The following PACRG variants were observed in gnomAD, a reference collection of about 807,000 sequenced individuals.
PACRG encodes the protein parkin coregulated gene protein.
PACRG carries 29 observed loss-of-function variants against 29.7 expected under a neutral mutation model. The ratio of observed to expected loss-of-function variants is 0.98; its 90% CI spans 0.73 to 1.33. PACRG has a LOEUF of 1.33. Among genes scored for constraint, PACRG ranks in the 40% most tolerant of loss-of-function variants. The pLI is 0.00. For missense variants in PACRG, 279 were observed against 316.2 expected (o/e 0.88, Z 0.89); for synonymous variants, 116 against 118.7 (o/e 0.98, Z 0.15).
intron 4 of PACRG, among the ~76,000 whole-genome samples, chr6:163,104,582 G>A (rs1169993002): frequency 6.6e-6 from 1 of 152,224 alleles, no homozygotes; most frequent in African/African-American, 2.4e-5. Flanking sequence ...CAGAGTCTCT[G>A]TGGGTCTCAT....
chr6:162,979,859 T>C (rs934680464), intron 2 of PACRG, among the ~76,000 whole-genome samples: 2 of 152,004 alleles, frequency 1.3e-5, no homozygotes, highest in Non-Finnish European at 2.9e-5. Flanking sequence ...AATTCGGAAG[T>C]TTACTTAAAT....
intron 2 of PACRG, among the ~76,000 whole-genome samples, chr6:163,010,935 C>T (rs561600762): frequency 3.3e-5 from 5 of 152,326 alleles, no homozygotes; most frequent in African/African-American, 1.2e-4. Context: ...GAGCCGGGTC[C>T]GGGCTCCCTT....
intron 2 of PACRG, among the ~76,000 whole-genome samples, chr6:162,837,313 G>A (rs576902274): frequency 2.0e-5 from 3 of 152,284 alleles, no homozygotes; most frequent in South Asian, 2.1e-4. Context: ...CTGATAAAGA[G>A]TATTTGGGTT....
At position 163,130,572 on chromosome 6, in the gene PACRG, C is replaced by T. The variant is rs113407551; in HGVS notation, c.613+41164C>T. On this transcript the variant is annotated intron_variant, in intron 4 of 4. Transcript: ENST00000366888. ...ACCTCCACCACTTTTCTGTGCAAAA[C>T]CCTTCAATGACCCTGCACAATAATG... 9.7e-4 allele frequency among the ~76,000 whole-genome samples: 148 copies of T among 152,312 alleles called. 3 individuals carry two copies. In the South Asian group the frequency reaches 0.021, roughly 21 times the overall value.
chr6:163,259,705 C>G (rs1203955126), intron 4 of PACRG, among the ~76,000 whole-genome samples: 2 of 152,180 alleles, frequency 1.3e-5, no homozygotes, highest in Non-Finnish European at 2.9e-5. Context: ...AGGTCTTAGC[C>G]TTCATCTCTC....
intron 2 of PACRG, among the ~76,000 whole-genome samples, chr6:162,900,328 C>G (rs183991783): frequency 7.2e-5 from 11 of 152,256 alleles, no homozygotes; most frequent in African/African-American, 2.4e-4. Context: ...CTCAAACTTT[C>G]CATATCCGTC....
intron 1 of PACRG, among the ~76,000 whole-genome samples, chr6:162,810,768 A>G (rs1013388960): frequency 4.6e-5 from 7 of 152,190 alleles, no homozygotes. Context: ...AACAGGCTGG[A>G]AAAAGAAAAA....
intron 2 of PACRG, among the ~76,000 whole-genome samples, chr6:162,927,382 G>A (rs1797522173): frequency 6.6e-6 from 1 of 152,050 alleles, no homozygotes; most frequent in African/African-American, 2.4e-5. Flanking sequence ...ATTCACAATA[G>A]CAAAGACATG....
At chr6:163,268,033 A>G (rs1562348157) in intron 4 of PACRG, among the ~76,000 whole-genome samples, 3 of 152,254 alleles carry the variant, frequency 2.0e-5, no homozygotes, top group Non-Finnish European at 2.9e-5. Context: ...GCTAGCTTCC[A>G]TAAAAATTTA....
chr6:162,850,919 C>A (rs1250034259), intron 2 of PACRG, among the ~76,000 whole-genome samples: 4 of 152,146 alleles, frequency 2.6e-5, no homozygotes, highest in African/African-American at 4.8e-5. Context: ...CGGGCCTGAG[C>A]CCCCAGCCCA....
At chr6:163,247,175 G>A (rs148916668) in intron 4 of PACRG, among the ~76,000 whole-genome samples, 4 of 152,246 alleles carry the variant, frequency 2.6e-5, no homozygotes, top group African/African-American at 9.6e-5. Flanking sequence ...AACATAACCA[G>A]CATTTTTTAT....
intron 2 of PACRG, among the ~76,000 whole-genome samples, chr6:162,893,677 A>G (rs116706021): frequency 0.012 from 1,779 of 152,282 alleles, 32 homozygotes; most frequent in African/African-American, 0.041. Flanking sequence ...TTGAGAATGG[A>G]AGTCGACACC....
chr6:163,184,012 G>A (rs1396371498), intron 4 of PACRG, among the ~76,000 whole-genome samples: 1 of 152,202 alleles, frequency 6.6e-6, no homozygotes, highest in Non-Finnish European at 1.5e-5. Context: ...CACATCGAAA[G>A]GAATGAGATT....
chr6:162,752,546 C>G (rs1290085267), intron 1 of PACRG, among the ~76,000 whole-genome samples: 1 of 152,070 alleles, frequency 6.6e-6, no homozygotes, highest in Non-Finnish European at 1.5e-5. Context: ...AAAATATTCC[C>G]AAAGCCCCAC....
chr6:162,751,864 G>A (rs911760365), intron 1 of PACRG, among the ~76,000 whole-genome samples: 1 of 152,124 alleles, frequency 6.6e-6, no homozygotes, highest in Non-Finnish European at 1.5e-5. Flanking sequence ...ACCCCAAAAT[G>A]CTTCTCTCCA....
chr6:163,070,684 G>T (rs1396521156), intron 3 of PACRG, among the ~76,000 whole-genome samples: 2 of 151,536 alleles, frequency 1.3e-5, no homozygotes, highest in African/African-American at 2.4e-5. Context: ...ATATCAAAAT[G>T]ACCATAGTGA....
In PACRG at chr6:163,037,332, C is replaced by T. The variant is rs149175546; in HGVS notation, c.292-24818C>T. Among the ~76,000 whole-genome samples the T allele has an allele frequency of 7.2e-5, 11 of 152,350 alleles. No homozygotes were observed. The East Asian group carries it at 2.1e-3, about 29-fold the overall frequency. On this transcript the variant is annotated intron_variant, in intron 2 of 4. Coordinates refer to ENST00000366888, the MANE Select transcript of PACRG (RefSeq NM_001080379.2). ...TCTGCAATCTGCCTCACGTTGTCCTCTCTTCTCACTCCTACAAATGTTCGG... is the reference window on the plus strand; with the variant it reads ...TCTGCAATCTGCCTCACGTTGTCCTTTCTTCTCACTCCTACAAATGTTCGG...
At chr6:163,282,191 T>G (rs1032725477) in intron 4 of PACRG, among the ~76,000 whole-genome samples, 4 of 152,190 alleles carry the variant, frequency 2.6e-5, no homozygotes, top group African/African-American at 7.2e-5. Context: ...TCAAAGACTT[T>G]GAGGTGATAT....
intron 4 of PACRG, among the ~76,000 whole-genome samples, chr6:163,150,806 T>C (rs571976562): frequency 5.3e-5 from 8 of 152,314 alleles, no homozygotes; most frequent in African/African-American, 1.9e-4. Flanking sequence ...AGGCGAGCAG[T>C]AGGTGGCAAA....
Sources: gnomAD v4.1 joint callset for allele counts (sites outside exome capture counted in the v4.1 genomes callset) on GRCh38, gnomAD v4.1.1 for gene constraint, MANE v1.5 for transcripts, NCBI Gene and HGNC (gene_info 2026-07-23, HGNC 2026-07-21) for gene names.